MYO7B: variants seen among roughly 807,000 people sequenced by gnomAD.
MYO7B encodes the protein myosin VIIB.
MYO7B carries 212 observed loss-of-function variants against 259.7 expected under a neutral mutation model. The ratio of observed to expected loss-of-function variants is 0.82; its 90% confidence interval spans 0.73 to 0.91. MYO7B has a LOEUF of 0.91. MYO7B is among the 40% of genes least tolerant of loss of function. The pLI is 0.00. For missense variants in MYO7B, 2,732 were observed against 2,813.5 expected (o/e 0.97, Z 0.66); for synonymous variants, 1,197 against 1,166.4 (o/e 1.03, Z -0.54).
intron 1 of MYO7B, among the ~76,000 whole-genome samples, chr2:127,555,634 A>T (rs900084477): frequency 3.9e-5 from 6 of 152,152 alleles, no homozygotes; most frequent in African/African-American, 1.4e-4. Flanking sequence ...TTAAATTTCC[A>T]TCTTGATTTC....
intron 9 of MYO7B, 117 bp downstream of exon 9, chr2:127,578,403 G>GA: frequency 7.7e-7 from 1 of 1,293,134 alleles, no homozygotes; most frequent in East Asian, 2.5e-5. Context: ...CCCAGGCCTG[G>GA]AAAAATATAT....
chr2:127,635,623 G>C, intron 43 of MYO7B, 99 bp from the exon 44 acceptor site: 1 of 1,295,268 alleles, frequency 7.7e-7, no homozygotes, highest in Non-Finnish European at 1.1e-6. Flanking sequence ...TGGATGGAGT[G>C]GGCTAAGCCC....
At chr2:127,549,176 CTT>C (rs1231864883) in intron 1 of MYO7B, among the ~76,000 whole-genome samples, 1 of 141,258 alleles carries the variant, frequency 7.1e-6, no homozygotes. Context: ...TTCTTTCTTT[CTT>C]TCTTTCTCTC....
chr2:127,589,567 G>A (rs1679462568), intron 15 of MYO7B, among the ~76,000 whole-genome samples: 1 of 148,604 alleles, frequency 6.7e-6, no homozygotes, highest in Non-Finnish European at 1.5e-5. Flanking sequence ...TGGGTGGATG[G>A]GTGGTGAGTA....
intron 35 of MYO7B, among the ~76,000 whole-genome samples, chr2:127,630,059 A>G (rs1226974358): frequency 6.6e-6 from 1 of 152,124 alleles, no homozygotes; most frequent in African/African-American, 2.4e-5. Context: ...CTCTTCCATC[A>G]TGGGGGTGTC....
chr2:127,628,675 G>T lies in MYO7B; in HGVS notation c.4624+140G>T. ...GGAGGGAAGGCCCCAAAGCTCTGTG[G>T]GGGCAGCTTTAGGCAAGGCCCTGCC... is the stretch of plus-strand genomic sequence containing the variant. On this transcript the variant is annotated intron_variant, in intron 34 of 47. Coordinates refer to ENST00000409816, the MANE Select transcript of MYO7B (RefSeq NM_001393586.1). This position sits in a 1 kb window ranked among gnomAD's most constrained non-coding sequence, Gnocchi z 4.8. The T allele has an allele frequency of 2.2e-6, 2 of 929,448 alleles. No homozygotes were observed. The highest frequency in any genetic ancestry group is 3.2e-6 in the Non-Finnish European group (2 of 629,988). 57.6% of individuals were successfully genotyped at this position (929,448 alleles called of 1,614,324 possible). A position where few individuals can be genotyped will look rare whatever the true frequency, so the allele number is the denominator to read the frequency against.
intron 26 of MYO7B, among the ~76,000 whole-genome samples, chr2:127,616,014 TCTC>T (rs1339077019): frequency 1.3e-5 from 2 of 152,032 alleles, no homozygotes; most frequent in Non-Finnish European, 2.9e-5. Context: ...CAATAGTAAA[TCTC>T]CTGAAACAGA....
chr2:127,551,616 A>T lies in MYO7B; in HGVS notation c.-23-8084A>T, dbSNP rs931725573. 2.0e-5 allele frequency among the ~76,000 whole-genome samples: 3 copies of T among 152,246 alleles called. No individual in the cohort carries two copies. The South Asian group carries it at 6.2e-4, about 31-fold the overall frequency. ...TGTGTCAAAGAATTTGGGGACATACATTAAACCACTACAGTAATTGATAAA... is the reference window on the plus strand; with the variant it reads ...TGTGTCAAAGAATTTGGGGACATACTTTAAACCACTACAGTAATTGATAAA... On this transcript the variant is annotated intron_variant, in intron 1 of 47. Coordinates refer to ENST00000409816, the MANE Select transcript of MYO7B (RefSeq NM_001393586.1).
intron 1 of MYO7B, among the ~76,000 whole-genome samples, chr2:127,548,789 G>T (rs1024453003): frequency 2.0e-5 from 3 of 151,962 alleles, no homozygotes; most frequent in African/African-American, 7.3e-5. Context: ...CACAAATTTC[G>T]ATGTGATATT....
At position 127,624,930 on chromosome 2, in the gene MYO7B, G is replaced by C. The variant is rs965788769; in HGVS notation, c.4048-438G>C. ...CAGGAAGCCCGCCTGGAAGAGGCAT[G>C]GGCAGGGGGTGGCAGGGGACCAGGC... On this transcript the variant is annotated intron_variant, in intron 30 of 47. Transcript: ENST00000409816. 4.6e-5 allele frequency among the ~76,000 whole-genome samples: 7 copies of C among 152,212 alleles called. No individual in the cohort carries two copies. The East Asian group carries it at 1.3e-3, about 29-fold the overall frequency.
chr2:127,626,711 G>A (rs760472796), intron 31 of MYO7B: 9 of 340,322 alleles, frequency 2.6e-5, no homozygotes, highest in East Asian at 6.4e-5. Flanking sequence ...CTCGGGAGGC[G>A]GAGCTTGCGG....
chr2:127,616,893 G>A (rs1287898289), intron 26 of MYO7B, among the ~76,000 whole-genome samples: 1 of 152,202 alleles, frequency 6.6e-6, no homozygotes, highest in Non-Finnish European at 1.5e-5. Flanking sequence ...TGCAATGAGG[G>A]CAAAGTCTTG....
rs1390495878 is a variant in MYO7B, at chr2:127,631,140, AGGACAGAGAAGCGTG to A, written c.4938-54_4938-40del. The A allele has an allele frequency of 6.7e-6, 10 of 1,491,334 alleles. No individual in the cohort carries two copies. In the Admixed American group the frequency reaches 8.9e-5, roughly 13 times the overall value. 92.4% of individuals were successfully genotyped at this position (1,491,334 alleles called of 1,614,324 possible). On this transcript the variant is annotated intron_variant, in intron 36 of 47. Coordinates refer to ENST00000409816, the MANE Select transcript of MYO7B (RefSeq NM_001393586.1). Reference sequence around the variant, plus strand: ...TCCCACAGCCACTCAGGGGTGTCAGAGGACAGAGAAGCGTGGGACAGAGAAGGCCACAGGGCAGGC... The same window carrying A: ...TCCCACAGCCACTCAGGGGTGTCAGAGGACAGAGAAGGCCACAGGGCAGGC...
rs749614831 is a variant in MYO7B, at chr2:127,624,240, C to T, written c.3967C>T (p.Arg1323Trp). 2.8e-5 allele frequency: 45 copies of T among 1,596,514 alleles called. No individual in the cohort carries two copies. The highest frequency in any genetic ancestry group is 1.2e-4 in the Admixed American group (7 of 58,236). ...KEFFTPWHDSREDPVSTELIY... is the reference protein window; with the variant it reads ...KEFFTPWHDSWEDPVSTELIY... ...ATTCTTCACCCCCTGGCACGACTCC[C>T]GGGAGGACCCTGTCAGCACCGAGCT... is the stretch of plus-strand genomic sequence containing the variant. Residue 1323 changes from arginine (R) to tryptophan (W), a missense_variant, in exon 30 of 48, where the codon CGG (arginine) becomes TGG (tryptophan). Physicochemically the swap from Arg to Trp is moderately radical, Grantham distance 101 (BLOSUM62 -3). Transcript: ENST00000409816.
At chr2:127,571,860 G>A (rs934090435) in intron 6 of MYO7B, among the ~76,000 whole-genome samples, 6 of 152,140 alleles carry the variant, frequency 3.9e-5, no homozygotes, top group East Asian at 1.9e-4. Flanking sequence ...TATTGTGTCC[G>A]AGTTTGTGGC....
At chr2:127,621,393 T>C (rs1032136897) in intron 27 of MYO7B, among the ~76,000 whole-genome samples, 1 of 151,938 alleles carries the variant, frequency 6.6e-6, no homozygotes, top group Non-Finnish European at 1.5e-5. Context: ...CTCGAGTAGC[T>C]GGCATTACAG....
intron 17 of MYO7B, 86 bp downstream of exon 17, chr2:127,593,032 G>C: frequency 6.7e-7 from 1 of 1,485,092 alleles, no homozygotes; most frequent in Non-Finnish European, 9.1e-7. Flanking sequence ...TACCGAGGGG[G>C]TCTCCCGCTG....
At chr2:127,625,863 T>G in intron 31 of MYO7B, 2 of 251,474 alleles carry the variant, frequency 8.0e-6, no homozygotes, top group Non-Finnish European at 7.5e-6. Context: ...CTGCTGACCA[T>G]ACCATGGCCT....
At chr2:127,616,546 C>T (rs1680577648) in intron 26 of MYO7B, among the ~76,000 whole-genome samples, 1 of 152,216 alleles carries the variant, frequency 6.6e-6, no homozygotes, top group South Asian at 2.1e-4. Context: ...TACAATAATG[C>T]CCTGTAAATT....
Sources: allele counts gnomAD v4.1 joint callset (sites outside exome capture counted in the v4.1 genomes callset), GRCh38; gene constraint gnomAD v4.1.1; non-coding constraint Gnocchi (gnomAD v3.1); transcripts MANE v1.5; gene names NCBI Gene and HGNC (gene_info 2026-07-23, HGNC 2026-07-21).